TENM4: variants seen among roughly 807,000 people sequenced by gnomAD.
TENM4 encodes teneurin-4.
A neutral mutation model predicts 243.3 loss-of-function variants in TENM4; 82 were observed. The observed-to-expected ratio is 0.34, with a 90% CI of 0.28 to 0.40. The LOEUF (loss-of-function observed/expected upper bound fraction) is 0.40, where lower values mean the gene tolerates loss of function less well. Ranked by LOEUF, TENM4 falls within the 10% of genes least tolerant of loss-of-function variation. The pLI, the probability that TENM4 is intolerant of heterozygous loss-of-function variation, is 1.00. For missense variants in TENM4, 3,138 were observed against 3,673.3 expected, an observed-to-expected ratio of 0.85 and a Z score of 3.77; for synonymous variants, 1,412 against 1,456.3, an observed-to-expected ratio of 0.97 and a Z score of 0.69.
At chr11:79,239,852 G>A (rs894928972) in intron 2 of TENM4, among the ~76,000 whole-genome samples, 6 of 152,242 alleles carry the variant, frequency 3.9e-5, no homozygotes, top group South Asian at 2.1e-4. Flanking sequence ...GAAAGACCAC[G>A]CGCAGAGCTA....
At chr11:78,882,570 C>T (rs1182148551) in intron 9 of TENM4, among the ~76,000 whole-genome samples, 1 of 152,192 alleles carries the variant, frequency 6.6e-6, no homozygotes, top group Non-Finnish European at 1.5e-5. Context: ...TCTAATATGT[C>T]TTCTAACTGA....
chr11:79,091,536 TA>T (rs1366601699), intron 4 of TENM4, among the ~76,000 whole-genome samples: 1 of 152,178 alleles, frequency 6.6e-6, no homozygotes, highest in Admixed American at 6.5e-5. Context: ...CTCAGAACCT[TA>T]AATGGTTCTC....
chr11:79,374,023 G>T (rs965257604), intron 1 of TENM4, among the ~76,000 whole-genome samples: 1 of 152,182 alleles, frequency 6.6e-6, no homozygotes, highest in African/African-American at 2.4e-5. Flanking sequence ...GCAAGCCTGG[G>T]TTGATGGACC....
chr11:78,787,157 GA>G, intron 15 of TENM4, 74 bp from the exon 16 acceptor site: 1 of 1,440,180 alleles, frequency 6.9e-7, no homozygotes, highest in Non-Finnish European at 9.2e-7. Flanking sequence ...GCAGGGGAGA[GA>G]GGAGAGAGAA....
intron 9 of TENM4, among the ~76,000 whole-genome samples, chr11:78,865,756 C>T (rs1858959129): frequency 6.6e-6 from 1 of 152,192 alleles, no homozygotes; most frequent in African/African-American, 2.4e-5. Flanking sequence ...AGATCCGACA[C>T]TTTGCTTTTT....
chr11:79,362,982 T>C (rs552689998), intron 1 of TENM4, among the ~76,000 whole-genome samples: 5 of 152,344 alleles, frequency 3.3e-5, no homozygotes, highest in Admixed American at 6.5e-5. Flanking sequence ...ACAAGCACAT[T>C]GCCTGACTGG....
intron 3 of TENM4, among the ~76,000 whole-genome samples, chr11:79,181,990 A>C (rs1462011934): frequency 1.3e-5 from 2 of 152,028 alleles, no homozygotes; most frequent in Non-Finnish European, 2.9e-5. Context: ...AAACAGGAAG[A>C]CTCAAAATTG....
intron 1 of TENM4, among the ~76,000 whole-genome samples, chr11:79,325,696 T>A (rs1439409031): frequency 6.6e-6 from 1 of 152,252 alleles, no homozygotes; most frequent in African/African-American, 2.4e-5. Flanking sequence ...TACCCAGTAC[T>A]CTACCCAGGC....
chr11:78,684,744 G>C (rs1222562959), intron 29 of TENM4, among the ~76,000 whole-genome samples: 1 of 152,200 alleles, frequency 6.6e-6, no homozygotes, highest in African/African-American at 2.4e-5. Flanking sequence ...GCAGAAAACA[G>C]AGACAATAAT....
intron 2 of TENM4, among the ~76,000 whole-genome samples, chr11:79,292,860 A>G (rs577334243): frequency 6.6e-6 from 1 of 152,368 alleles, no homozygotes; most frequent in Non-Finnish European, 1.5e-5. Flanking sequence ...AATAATATAT[A>G]TAAGGCACTT....
chr11:79,413,270 A>G (rs974537516), intron 1 of TENM4, among the ~76,000 whole-genome samples: 7 of 152,174 alleles, frequency 4.6e-5, no homozygotes, highest in African/African-American at 1.2e-4. Context: ...CCAGTTCCCA[A>G]GGTGTCTACA....
intron 6 of TENM4, among the ~76,000 whole-genome samples, chr11:78,919,061 T>C (rs1565125676): frequency 6.6e-6 from 1 of 152,196 alleles, no homozygotes; most frequent in Non-Finnish European, 1.5e-5. Context: ...AATTTTTGTA[T>C]TCCTAATGGT....
intron 2 of TENM4, among the ~76,000 whole-genome samples, chr11:79,238,226 CAG>C (rs1864515886): frequency 6.6e-6 from 1 of 152,082 alleles, no homozygotes; most frequent in Admixed American, 6.6e-5. Flanking sequence ...CTTGGGGACT[CAG>C]GGGGATGGGA....
At chr11:79,332,503 C>G (rs548833738) in intron 1 of TENM4, among the ~76,000 whole-genome samples, 21 of 152,016 alleles carry the variant, frequency 1.4e-4, no homozygotes, top group Admixed American at 9.2e-4. Flanking sequence ...AAAAATAAGG[C>G]CAACCTTATG....
chr11:78,658,165 G>A lies in TENM4; in HGVS notation c.8203C>T (p.Gln2735Ter), dbSNP rs527857070. ...KQQVLSTGRV[Q>*]GYDGFFVISV... is the part of the protein sequence containing the mutation. ...ATCACGAAAAAGCCGTCGTAGCCTT[G>A]CACCCGCCCTGTGCTCAGCACCTGC... Residue 2735 changes from glutamine to a stop codon, truncating the protein, a stop_gained, in exon 34 of 34, where the codon CAA (glutamine) becomes TAA (stop). Transcript: ENST00000278550. LOFTEE classifies it high-confidence loss of function. 3 of 1,614,018 alleles carry A rather than the reference G, an allele frequency of 1.9e-6. No homozygotes were observed. Among genetic ancestry groups the A allele is most frequent in the East Asian group, 2.2e-5 (1 of 44,868 alleles).
At chr11:79,176,924 G>A (rs1034560262) in intron 3 of TENM4, among the ~76,000 whole-genome samples, 13 of 152,126 alleles carry the variant, frequency 8.5e-5, no homozygotes, top group African/African-American at 3.1e-4. Flanking sequence ...GTGGGGGCAG[G>A]TTCCTTTGGT....
At chr11:79,044,422 A>C (rs1369460) in intron 6 of TENM4, among the ~76,000 whole-genome samples, 142,864 of 152,246 alleles carry the variant, frequency 0.94, 67,706 homozygotes, top group Non-Finnish European at 0.98. Context: ...GGTGGGGCGC[A>C]TAGGAGGCGG....
At chr11:78,712,456 A>G in intron 26 of TENM4, 26 bp downstream of exon 26, 1 of 1,588,608 alleles carries the variant, frequency 6.3e-7, no homozygotes, top group Non-Finnish European at 8.6e-7. Flanking sequence ...AATGTTATTG[A>G]CAATGTCTCT....
intron 31 of TENM4, 142 bp from the exon 32 acceptor site, chr11:78,670,693 C>A: frequency 1.2e-6 from 1 of 826,214 alleles, no homozygotes; most frequent in Non-Finnish European, 1.9e-6. Flanking sequence ...ATGCTCCAAC[C>A]AGAGCTCTCC....
Sources: gnomAD v4.1 joint callset for allele counts (sites outside exome capture counted in the v4.1 genomes callset) on GRCh38, gnomAD v4.1.1 for gene constraint, MANE v1.5 for transcripts, NCBI Gene and HGNC (gene_info 2026-07-23, HGNC 2026-07-21) for gene names.